Variants in ADCK5 observed in about 807,000 individuals in gnomAD.
ADCK5 encodes the protein uncharacterized aarF domain-containing protein kinase 5.
ADCK5 carries 43 observed loss-of-function variants against 64.9 expected under a neutral mutation model. The observed-to-expected ratio is 0.66, with a 90% confidence interval of 0.52 to 0.85. The LOEUF (loss-of-function observed/expected upper bound fraction) is 0.85, where lower values mean the gene tolerates loss of function less well. ADCK5 is among the 40% of genes least tolerant of loss of function. ADCK5 has a pLI of 0.00. For synonymous variants in ADCK5, 434 were observed against 342.8 expected (o/e 1.27, Z -2.94); for missense variants, 760 against 810.5 (o/e 0.94, Z 0.76).
At chr8:144,382,264 C>T (rs1411574574) in intron 2 of ADCK5, among the ~76,000 whole-genome samples, 1 of 152,100 alleles carries the variant, frequency 6.6e-6, no homozygotes. Context: ...GCTCAGGCAC[C>T]TGCCGCACTC....
upstream of ADCK5, chr8:144,373,953 G>C (rs1819256506): frequency 1.0e-6 from 1 of 963,818 alleles, no homozygotes; most frequent in Admixed American, 4.3e-5. Context: ...ACGACTCGGG[G>C]CGTGGCCTCC....
intron 1 of ADCK5, among the ~76,000 whole-genome samples, chr8:144,375,894 G>A (rs1285123843): frequency 3.3e-5 from 5 of 152,218 alleles, no homozygotes; most frequent in East Asian, 1.9e-4. Flanking sequence ...GGGACCCACC[G>A]TCTAAAAGAC....
At position 144,376,779 on chromosome 8, in the gene ADCK5, C is replaced by T. The variant is rs1249605815; in HGVS notation, c.13-2608C>T. 6.6e-6 allele frequency among the ~76,000 whole-genome samples: 1 copy of T among 152,180 alleles called. No individual in the cohort carries two copies. The highest frequency in any genetic ancestry group is 1.5e-5 in the Non-Finnish European group (1 of 68,028). On this transcript the variant is annotated intron_variant, in intron 1 of 14. Transcript: ENST00000308860. The surrounding 1 kb of genome is among the most constrained non-coding windows in gnomAD (Gnocchi z 5.1). ...ATCTCGGGGCCTCTAGCCATGCATG[C>T]ACTGGCACCAGAGGTGGCTAGGGTC...
At position 144,391,015 on chromosome 8, in the gene ADCK5, C is replaced by G. The variant is rs577667370; in HGVS notation, c.502C>G (p.Arg168Gly). 6.2e-7 allele frequency: 1 copy of G among 1,612,898 alleles called. No homozygotes were observed. Among genetic ancestry groups the G allele is most frequent in the South Asian group, 1.1e-5 (1 of 91,084 alleles). ...LLPPEYTRTL[R>G]VLEDRALKRG... ...TCCCCCCGAGTATACCCGGACCCTG[C>G]GCGTGCTAGAGGACAGGGCCCTCAA... The change falls in exon 5 of 15, where the codon CGC becomes GGC. Residue 168 changes from arginine to glycine, a missense_variant. Physicochemically the swap from Arg to Gly is moderately radical, Grantham distance 125. Around this residue, in one of 2 missense-constraint regions of ADCK5, gnomAD observed 427 missense variants for 518.4 expected, o/e 0.82. Coordinates refer to ENST00000308860, the MANE Select transcript of ADCK5 (RefSeq NM_174922.5).
At chr8:144,385,265 A>G (rs1367602609) in intron 3 of ADCK5, among the ~76,000 whole-genome samples, 2 of 150,716 alleles carry the variant, frequency 1.3e-5, no homozygotes, top group African/African-American at 4.9e-5. Context: ...GCTCACTGCA[A>G]CCTGTGCTCC....
chr8:144,383,032 C>T, intron 2 of ADCK5, 49 bp from the exon 3 acceptor site: 3 of 1,562,100 alleles, frequency 1.9e-6, no homozygotes, highest in Non-Finnish European at 2.6e-6. Context: ...GATCAGAGCC[C>T]AGCTGAATGT....
intron 1 of ADCK5, 47 bp from the exon 2 acceptor site, chr8:144,379,340 G>A (rs368263421): frequency 2.8e-6 from 4 of 1,430,316 alleles, no homozygotes; most frequent in Admixed American, 2.0e-5. Context: ...GAGGGCAGGG[G>A]CGTGTCCTGG....
intron 14 of ADCK5, 32 bp downstream of exon 14, chr8:144,392,924 G>C: frequency 6.3e-7 from 1 of 1,591,006 alleles, no homozygotes; most frequent in Non-Finnish European, 8.5e-7. Flanking sequence ...GGGTGGCGGG[G>C]GCCTGCTCCC....
chr8:144,393,036 C>T lies in ADCK5; in HGVS notation c.1705C>T (p.Pro569Ser), dbSNP rs1820403698. The T allele has an allele frequency of 6.3e-7, 1 of 1,588,972 alleles. No individual in the cohort carries two copies. Among genetic ancestry groups the T allele is most frequent in the Non-Finnish European group, 8.5e-7 (1 of 1,171,706 alleles). ...ARALVHLSLV[P>S]PAEELYQYLE... ...TGCTCTGGTCCACCTGAGCCTCGTGCCCCCAGCGGAGGAGCTCTACCAGTA... is the reference window on the plus strand; with the variant it reads ...TGCTCTGGTCCACCTGAGCCTCGTGTCCCCAGCGGAGGAGCTCTACCAGTA... Residue 569 changes from proline (P) to serine (S), a missense_variant, in exon 15 of 15, where the codon CCC (proline) becomes TCC (serine). Physicochemically the swap from Pro to Ser is moderately conservative, Grantham distance 74. This residue lies in a region of ADCK5 where 333 missense variants were observed against 292.0 expected (regional missense o/e 1.14). Transcript: ENST00000308860.
Position 144,393,171 on chromosome 8 carries a change from G to C in ADCK5, c.*97G>C. ...GACACCCCGAGCCCCGTGGGCACTC[G>C]CACTGGGGGGCTGTGACAGCAGCTG... On this transcript the variant is annotated 3_prime_UTR_variant, in exon 15 of 15. Coordinates refer to ENST00000308860, the MANE Select transcript of ADCK5 (RefSeq NM_174922.5). 7.4e-7 allele frequency: 1 copy of C among 1,352,004 alleles called. No individual in the cohort carries two copies. The highest frequency in any genetic ancestry group is 9.9e-7 in the Non-Finnish European group (1 of 1,013,392). 83.8% of individuals were successfully genotyped at this position (1,352,004 alleles called of 1,614,324 possible).
In ADCK5 at chr8:144,392,656, C is replaced by T; in HGVS notation, c.1479C>T (p.Ala493=). 1.3e-6 allele frequency: 2 copies of T among 1,594,324 alleles called. No individual in the cohort carries two copies. Among genetic ancestry groups the T allele is most frequent in the Non-Finnish European group, 1.7e-6 (2 of 1,172,146 alleles). ...NINTVRAINV[A]LGAPVDRYFL... is the part of the protein sequence containing the mutation. ...ACACCGTGCGCGCTATCAACGTGGC[C>T]CTCGGCGCCCCCGTGGACCGCTACT... The change falls in exon 13 of 15, where the codon GCC becomes GCT. Residue 493 remains alanine (A), a synonymous_variant. Transcript: ENST00000308860.
upstream of ADCK5, chr8:144,373,218 G>C (rs1451447481): frequency 1.3e-5 from 2 of 153,256 alleles, no homozygotes; most frequent in African/African-American, 4.8e-5. Context: ...GCCAGGACCC[G>C]TGTTGGCGCC....
At chr8:144,392,385 AGTC>A in intron 12 of ADCK5, 40 bp downstream of exon 12, 2 of 1,487,106 alleles carry the variant, frequency 1.3e-6, no homozygotes, top group South Asian at 1.3e-5. Context: ...CACAGAAGGG[AGTC>A]GGGCGGCGCG....
chr8:144,391,874 C>CG lies in ADCK5; in HGVS notation c.1014+15dup, dbSNP rs782077212. ...GGGCTGGCAGTGCATGACGTGAGTG[C>CG]GGGGGGGCGGGGGCGGGTCAGGGCG... On this transcript the variant is annotated intron_variant, in intron 9 of 14. Transcript: ENST00000308860. 0.016 allele frequency: 2,137 copies of CG among 135,052 alleles called. 3 individuals are homozygous for CG. Among genetic ancestry groups the CG allele is most frequent in the African/African-American group, 0.036 (242 of 6,752 alleles). 8.4% of individuals were successfully genotyped at this position (135,052 alleles called of 1,614,324 possible). A position where few individuals can be genotyped will look rare whatever the true frequency, so the allele number is the denominator to read the frequency against.
Position 144,393,044 on chromosome 8 carries a change from G to A in ADCK5, c.1713G>A (p.Ala571=), listed in dbSNP as rs1384935090. The change falls in exon 15 of 15, where the codon GCG becomes GCA. Residue 571 remains alanine, a synonymous_variant. Coordinates refer to ENST00000308860, the MANE Select transcript of ADCK5 (RefSeq NM_174922.5). The stretch of plus-strand genomic sequence containing the variant: ...TCCACCTGAGCCTCGTGCCCCCAGC[G>A]GAGGAGCTCTACCAGTACCTGGAGA... ...ALVHLSLVPP[A]EELYQYLET is the part of the protein sequence containing the mutation. 6.3e-6 allele frequency: 10 copies of A among 1,587,148 alleles called. No individual in the cohort carries two copies. Among genetic ancestry groups the A allele is most frequent in the Middle Eastern group, 3.3e-4 (2 of 6,014 alleles).
Position 144,392,006 on chromosome 8 carries a change from C to A in ADCK5, c.1080C>A (p.Asp360Glu). ...TTTACACCGGCTTCATCCACTCGGA[C>A]CCACATCCTGGCAACGGTAGGAATT... is the stretch of plus-strand genomic sequence containing the variant. ...QIFYTGFIHSDPHPGNVLVRK... is the reference protein window; with the variant it reads ...QIFYTGFIHSEPHPGNVLVRK... Residue 360 changes from aspartate to glutamate, a missense_variant, in exon 10 of 15, where the codon GAC becomes GAA. Physicochemically the swap from Asp to Glu is conservative, Grantham distance 45. This residue lies in a region of ADCK5 where 427 missense variants were observed against 518.4 expected (regional missense o/e 0.82). Transcript: ENST00000308860. The A allele has an allele frequency of 6.2e-7, 1 of 1,612,774 alleles. No homozygotes were observed. The highest frequency in any genetic ancestry group is 8.5e-7 in the Non-Finnish European group (1 of 1,179,976).
chr8:144,392,796 G>T lies in ADCK5; in HGVS notation c.1541G>T (p.Arg514Leu). The T allele has an allele frequency of 6.3e-7, 1 of 1,591,416 alleles. No homozygotes were observed. Residue 514 changes from arginine (R) to leucine (L), a missense_variant, in exon 14 of 15, where the codon CGC becomes CTC. This residue lies in a region of ADCK5 where 333 missense variants were observed against 292.0 expected (regional missense o/e 1.14). Transcript: ENST00000308860. ...MAKRAVRGWS[R>L]LAGATYRGVY... ...TGCAGGGCTGTCCGGGGCTGGAGCC[G>T]CCTGGCGGGCGCCACGTATCGGGGT...
intron 3 of ADCK5, among the ~76,000 whole-genome samples, chr8:144,388,737 T>C (rs1288780182): frequency 6.8e-6 from 1 of 147,560 alleles, no homozygotes; most frequent in Non-Finnish European, 1.5e-5. Flanking sequence ...CACTCCAGCC[T>C]GGGCGACAGA....
chr8:144,373,885 G>C, upstream of ADCK5: 1 of 437,576 alleles, frequency 2.3e-6, no homozygotes, highest in Admixed American at 4.6e-5. Flanking sequence ...CGGTCCGGGC[G>C]CCAAAAGGTA....
Sources: gnomAD v4.1 joint callset for allele counts (sites outside exome capture counted in the v4.1 genomes callset) on GRCh38, gnomAD v4.1.1 for gene constraint, gnomAD v4.1.1 regional missense constraint, Gnocchi (gnomAD v3.1) non-coding constraint, MANE v1.5 for transcripts, NCBI Gene and HGNC (gene_info 2026-07-23, HGNC 2026-07-21) for gene names.